ANKRD40CL: variants seen among roughly 807,000 people sequenced by gnomAD.
The protein encoded by ANKRD40CL is ANKRD40 C-terminal like.
For synonymous variants in ANKRD40CL, 5 were observed against 2.3 expected, an observed-to-expected ratio of 2.14 and a Z score of -1.04; for missense variants, 11 against 6.4, an observed-to-expected ratio of 1.71 and a Z score of -0.77.
intron 2 of ANKRD40CL, chr17:50,764,967 G>A (rs1404735002): frequency 6.6e-6 from 1 of 152,270 alleles, no homozygotes; most frequent in African/African-American, 2.4e-5. Context: ...GGATGAATAG[G>A]CTTCACTAGA....
chr17:50,767,145 C>A (rs940788580), intron 1 of ANKRD40CL, 134 bp from the exon 2 acceptor site: 4 of 671,190 alleles, frequency 6.0e-6, no homozygotes, highest in Admixed American at 2.0e-5. Context: ...AAGGAAGGTA[C>A]TGAAGTAAGG....
chr17:50,765,298 G>T (rs9913272), intron 2 of ANKRD40CL, among the ~76,000 whole-genome samples: 4,080 of 152,184 alleles, frequency 0.027, 189 homozygotes, highest in African/African-American at 0.092. Flanking sequence ...AATTACATAT[G>T]TGGCTTGCAT....
At position 50,766,865 on chromosome 17, in the gene ANKRD40CL, C is replaced by T; in HGVS notation, c.40+9G>A. On this transcript the variant is annotated intron_variant, in intron 2 of 3. Coordinates refer to ENST00000450727, the MANE Select transcript of ANKRD40CL (RefSeq NM_001358683.3). Reference sequence around the variant, plus strand: ...AGGACCATGTTGGGAACAGGACTCCCAGACTCACCTGCTGGCTTCTCCCCG... The same window carrying T: ...AGGACCATGTTGGGAACAGGACTCCTAGACTCACCTGCTGGCTTCTCCCCG... 1 of 650,170 alleles carries T rather than the reference C, an allele frequency of 1.5e-6. No homozygotes were observed. Among genetic ancestry groups the T allele is most frequent in the African/African-American group, 1.9e-5 (1 of 51,686 alleles). 40.3% of individuals were successfully genotyped at this position (650,170 alleles called of 1,614,324 possible). A position where few individuals can be genotyped will look rare whatever the true frequency, so the allele number is the denominator to read the frequency against.
At position 50,761,087 on chromosome 17, in the gene ANKRD40CL, T is replaced by G; in HGVS notation, c.*276A>C. 5.7e-6 allele frequency: 1 copy of G among 174,336 alleles called. No homozygotes were observed. Among genetic ancestry groups the G allele is most frequent in the Non-Finnish European group, 1.1e-5 (1 of 87,032 alleles). 10.8% of individuals were successfully genotyped at this position (174,336 alleles called of 1,614,324 possible). A position where few individuals can be genotyped will look rare whatever the true frequency, so the allele number is the denominator to read the frequency against. ...ACAGAGTCTTGCTCTGTCGCCAGGC[T>G]GGAGTGCAGTGGCGCAATCTCAGCT... On this transcript the variant is annotated 3_prime_UTR_variant, in exon 4 of 4. Coordinates refer to ENST00000450727, the MANE Select transcript of ANKRD40CL (RefSeq NM_001358683.3).
chr17:50,761,342 C>T lies in ANKRD40CL; in HGVS notation c.*21G>A, dbSNP rs1039387861. On this transcript the variant is annotated 3_prime_UTR_variant, in exon 4 of 4. Coordinates refer to ENST00000450727, the MANE Select transcript of ANKRD40CL (RefSeq NM_001358683.3). ...GGATTACAGGGGGTGAGCCACCATG[C>T]GCGGCCATTCCTGGGAGTATTTAAT... is the stretch of plus-strand genomic sequence containing the variant. The T allele has an allele frequency of 5.0e-5, 20 of 397,484 alleles. 1 individual carries two copies. Among genetic ancestry groups the T allele is most frequent in the Admixed American group, 1.3e-4 (3 of 22,638 alleles). The allele number at this position is 397,484 out of a possible 1,614,324, so 24.6% of individuals were successfully genotyped here. A position where few individuals can be genotyped will look rare whatever the true frequency, so the allele number is the denominator to read the frequency against.
intron 2 of ANKRD40CL, chr17:50,764,210 T>C (rs1046340977): frequency 1.0e-5 from 4 of 398,588 alleles, no homozygotes; most frequent in Non-Finnish European, 1.8e-5. Flanking sequence ...GGGTCCGTTG[T>C]TGGCAAGTGT....
At chr17:50,763,771 C>T (rs1183248682) in intron 2 of ANKRD40CL, 2 of 386,986 alleles carry the variant, frequency 5.2e-6, no homozygotes, top group Non-Finnish European at 9.1e-6. Flanking sequence ...GGATGTATGC[C>T]CCCATTATAT....
intron 1 of ANKRD40CL, 33 bp from the exon 2 acceptor site, chr17:50,767,044 C>G: frequency 1.4e-6 from 1 of 694,592 alleles, no homozygotes; most frequent in Non-Finnish European, 2.6e-6. Flanking sequence ...TCTTGCCAGC[C>G]CAGTGAGATA....
At chr17:50,765,086 G>C (rs1971274400) in intron 2 of ANKRD40CL, 1 of 152,092 alleles carries the variant, frequency 6.6e-6, no homozygotes, top group African/African-American at 2.4e-5. Flanking sequence ...GGCTGGCAGG[G>C]GCCAGTTAGT....
intron 3 of ANKRD40CL, among the ~76,000 whole-genome samples, chr17:50,762,572 A>AAAAAAAC (rs372406596): frequency 6.6e-6 from 1 of 152,128 alleles, no homozygotes; most frequent in African/African-American, 2.4e-5. Context: ...ACCCTGTCTC[A>AAAAAAAC]AAAAAACAAA....
rs1971246992 is a variant in ANKRD40CL, at chr17:50,763,709, C to T, written c.41-152G>A. 8 of 395,994 alleles carry T rather than the reference C, an allele frequency of 2.0e-5. No individual in the cohort carries two copies. In the East Asian group the frequency reaches 2.9e-4, roughly 14 times the overall value. 24.5% of individuals were successfully genotyped at this position (395,994 alleles called of 1,614,324 possible). A position where few individuals can be genotyped will look rare whatever the true frequency, so the allele number is the denominator to read the frequency against. ...GACATGGAGCTTTCATGGGCACATACACACTTTGCATTAGCTGAGGGTTCT... is the reference window on the plus strand; with the variant it reads ...GACATGGAGCTTTCATGGGCACATATACACTTTGCATTAGCTGAGGGTTCT... On this transcript the variant is annotated intron_variant, in intron 2 of 3. Transcript: ENST00000450727.
chr17:50,767,278 C>T lies in ANKRD40CL; in HGVS notation c.-99+185G>A, dbSNP rs199948094. On this transcript the variant is annotated intron_variant, in intron 1 of 3. Transcript: ENST00000450727. Reference sequence around the variant, plus strand: ...GGCACAGCAGGCACCCAGCCAGACCCGAGAAGGGGGCCAGGCCCTCTTTCT... The same window carrying T: ...GGCACAGCAGGCACCCAGCCAGACCTGAGAAGGGGGCCAGGCCCTCTTTCT... 148 of 460,092 alleles carry T rather than the reference C, an allele frequency of 3.2e-4. 2 individuals are homozygous for T. The highest frequency in any genetic ancestry group is 2.5e-3 in the East Asian group (50 of 19,806). The allele number at this position is 460,092 out of a possible 1,614,324, so 28.5% of individuals were successfully genotyped here. A position where few individuals can be genotyped will look rare whatever the true frequency, so the allele number is the denominator to read the frequency against.
At chr17:50,763,085 C>G (rs1971231117) in intron 3 of ANKRD40CL, 1 of 208,944 alleles carries the variant, frequency 4.8e-6, no homozygotes, top group Non-Finnish European at 9.5e-6. Context: ...TTAGTAGAGA[C>G]GGGTTTTCAC....
intron 3 of ANKRD40CL, 107 bp from the exon 4 acceptor site, chr17:50,761,613 GT>G (rs375103532): frequency 4.3e-5 from 16 of 372,704 alleles, no homozygotes; most frequent in East Asian, 3.8e-5. Context: ...ATAAGGTATT[GT>G]TTTTTTTGAG....
In ANKRD40CL at chr17:50,761,033, A is replaced by ATTATTTATTTATTTATTTAT. The variant is rs58902684; in HGVS notation, c.*310_*329dup. ...TTCAGTTTTTTAATTCCTGGGATTG[A>ATTATTTATTTATTTATTTAT]TTATTTATTTATTTATTTATTTTGA... On this transcript the variant is annotated 3_prime_UTR_variant, in exon 4 of 4. Transcript: ENST00000450727. 0.063 allele frequency: 9,309 copies of ATTATTTATTTATTTATTTAT among 148,622 alleles called. 429 individuals are homozygous for ATTATTTATTTATTTATTTAT. The highest frequency in any genetic ancestry group is 0.12 in the African/African-American group (4,600 of 39,798). The allele number at this position is 148,622 out of a possible 1,614,324, so 9.2% of individuals were successfully genotyped here. A position where few individuals can be genotyped will look rare whatever the true frequency, so the allele number is the denominator to read the frequency against.
intron 2 of ANKRD40CL, 68 bp downstream of exon 2, chr17:50,766,806 C>T (rs960710528): frequency 3.3e-6 from 2 of 610,728 alleles, no homozygotes; most frequent in Non-Finnish European, 5.8e-6. Flanking sequence ...ACCTGTGTCC[C>T]AGCCTTCCCC....
At chr17:50,763,045 C>T (rs758679385) in intron 3 of ANKRD40CL, 5 of 161,158 alleles carry the variant, frequency 3.1e-5, no homozygotes, top group African/African-American at 2.4e-5. Flanking sequence ...TACAGGCACG[C>T]GCTGCCATGC....
chr17:50,765,217 C>T (rs1419470103), intron 2 of ANKRD40CL, among the ~76,000 whole-genome samples: 3 of 152,154 alleles, frequency 2.0e-5, no homozygotes, highest in East Asian at 1.9e-4. Context: ...TTGCATATAG[C>T]GGGCAAAGTA....
chr17:50,765,060 G>A (rs141630298), intron 2 of ANKRD40CL: 1 of 152,216 alleles, frequency 6.6e-6, no homozygotes, highest in Admixed American at 6.6e-5. Context: ...AGCATGGGGG[G>A]ACTGAGTGTC....
Sources: gnomAD v4.1 joint callset for allele counts (sites outside exome capture counted in the v4.1 genomes callset) on GRCh38, gnomAD v4.1.1 for gene constraint, MANE v1.5 for transcripts, NCBI Gene and HGNC (gene_info 2026-07-23, HGNC 2026-07-21) for gene names.